The following PCDHA1 variants were observed in gnomAD, a reference collection of about 807,000 sequenced individuals.
The protein encoded by PCDHA1 is protocadherin alpha-1.
In PCDHA1, 42 loss-of-function variants were observed where a neutral mutation model predicts 61.3. The observed-to-expected ratio is 0.69, with a 90% CI of 0.54 to 0.89. The LOEUF (loss-of-function observed/expected upper bound fraction) is 0.89. Among genes scored for constraint, PCDHA1 ranks in the 40% least tolerant of loss-of-function variants. The pLI is 0.00. For synonymous variants in PCDHA1, 610 were observed against 553.8 expected, an observed-to-expected ratio of 1.10 and a Z score of -1.43; for missense variants, 1,256 against 1,235.3, an observed-to-expected ratio of 1.02 and a Z score of -0.25.
intron 1 of PCDHA1, chr5:140,882,151 G>C (rs529033742): frequency 6.7e-7 from 1 of 1,503,572 alleles, no homozygotes; most frequent in African/African-American, 1.4e-5. Flanking sequence ...AGCAGAAAGC[G>C]GAATACCTCT....
At chr5:140,857,106 C>A (rs2044362842) in intron 1 of PCDHA1, 2 of 1,597,856 alleles carry the variant, frequency 1.3e-6, no homozygotes, top group African/African-American at 2.7e-5. Context: ...ATTGTCACTT[C>A]TCTGTCTCTC....
chr5:140,964,894 T>C (rs754817292), intron 1 of PCDHA1, among the ~76,000 whole-genome samples: 8 of 152,210 alleles, frequency 5.3e-5, no homozygotes, highest in Non-Finnish European at 1.2e-4. Flanking sequence ...GATAGGAGGC[T>C]GGGCGCTTCT....
intron 1 of PCDHA1, chr5:140,864,371 G>A (rs1005201982): frequency 6.6e-5 from 10 of 152,044 alleles, no homozygotes; most frequent in South Asian, 6.2e-4. Context: ...TTCTATAATC[G>A]ATAAGTTTAT....
At chr5:140,805,260 TA>T (rs1763537076) in intron 1 of PCDHA1, 1 of 1,292,364 alleles carries the variant, frequency 7.7e-7, no homozygotes, top group Non-Finnish European at 9.8e-7. Context: ...AAATACCTGG[TA>T]AATGAAAATA....
intron 1 of PCDHA1, among the ~76,000 whole-genome samples, chr5:140,949,542 T>G (rs1418281515): frequency 6.6e-6 from 1 of 151,916 alleles, no homozygotes; most frequent in East Asian, 1.9e-4. Context: ...AATATCGATT[T>G]GTTGCTGGTC....
intron 1 of PCDHA1, among the ~76,000 whole-genome samples, chr5:140,931,932 T>C (rs1163129550): frequency 6.6e-6 from 1 of 151,986 alleles, no homozygotes; most frequent in South Asian, 2.1e-4. Context: ...ATGATTATAA[T>C]GTGTGTCTGA....
chr5:140,853,313 T>C lies in PCDHA1; in HGVS notation c.2394+64629T>C, dbSNP rs1581310278. The C allele has an allele frequency of 3.0e-6, 3 of 984,212 alleles. 1 individual carries two copies. Among genetic ancestry groups the C allele is most frequent in the Non-Finnish European group, 1.2e-6 (1 of 816,620 alleles). 61.0% of individuals were successfully genotyped at this position (984,212 alleles called of 1,614,324 possible). A position where few individuals can be genotyped will look rare whatever the true frequency, so the allele number is the denominator to read the frequency against. On this transcript the variant is annotated intron_variant, in intron 1 of 3. Transcript: ENST00000504120. ...CTCAGAAGGGCTGTGAACACCTTAG[T>C]AATAAATTTATCTTTTGAGGTCATT...
chr5:140,802,167 G>A, intron 1 of PCDHA1: 1 of 1,614,228 alleles, frequency 6.2e-7, no homozygotes, highest in Non-Finnish European at 8.5e-7. Flanking sequence ...AGAAGCCACG[G>A]ATAAAGGAAA....
intron 1 of PCDHA1, among the ~76,000 whole-genome samples, chr5:140,921,145 T>G (rs2080047732): frequency 4.1e-5 from 1 of 24,298 alleles, no homozygotes; most frequent in Admixed American, 5.4e-4. Flanking sequence ...TACACCCAGC[T>G]AATGCATTTT....
chr5:141,001,159 G>A (rs1332533329), intron 3 of PCDHA1, among the ~76,000 whole-genome samples: 2 of 152,076 alleles, frequency 1.3e-5, no homozygotes, highest in Non-Finnish European at 2.9e-5. Context: ...ATCTTAATAA[G>A]TAAAATTTAA....
At chr5:140,878,855 T>C (rs905851216) in intron 1 of PCDHA1, among the ~76,000 whole-genome samples, 3 of 152,250 alleles carry the variant, frequency 2.0e-5, no homozygotes, top group Admixed American at 6.5e-5. Context: ...TGGGTTCAAC[T>C]GATCCTCCAT....
rs369536692 is a variant in PCDHA1 at position 140,876,705 on chromosome 5, C to T, written c.2394+88021C>T. The T allele has an allele frequency of 2.0e-5, 33 of 1,614,240 alleles. No individual in the cohort carries two copies. In the African/African-American group the frequency reaches 3.3e-4, roughly 16 times the overall value. ...ATTACTACTCGTTGGTGCTGGACAG[C>T]GCCCTGGACCGCGAGAGCGTGTCGG... On this transcript the variant is annotated intron_variant, in intron 1 of 3. Transcript: ENST00000504120.
chr5:141,005,142 T>C (rs1554259898), intron 3 of PCDHA1, among the ~76,000 whole-genome samples: 1 of 152,234 alleles, frequency 6.6e-6, no homozygotes, highest in African/African-American at 2.4e-5. Flanking sequence ...ATTGGAGAGT[T>C]GTTTGGTCTG....
chr5:140,843,822 A>G (rs1455613336), intron 1 of PCDHA1: 2 of 1,214,208 alleles, frequency 1.6e-6, no homozygotes, highest in African/African-American at 1.5e-5. Flanking sequence ...GTGAAAATTT[A>G]AACATTGTTT....
rs557916636 is a variant in PCDHA1, at chr5:141,000,518, C to G, written c.2543-9109C>G. The stretch of plus-strand genomic sequence containing the variant: ...TCTCGGCTCACTGCAACCTCCTTCT[C>G]CAGGGTTCAAGTGATTCTCATGCCT... On this transcript the variant is annotated intron_variant, in intron 3 of 3. Transcript: ENST00000504120. Among the ~76,000 whole-genome samples the G allele has an allele frequency of 6.9e-4, 100 of 144,062 alleles. 3 individuals are homozygous for G. In the South Asian group the frequency reaches 0.021, roughly 31 times the overall value. 94.5% of individuals were successfully genotyped at this position (144,062 alleles called of 152,430 possible). A position where few individuals can be genotyped will look rare whatever the true frequency, so the allele number is the denominator to read the frequency against.
chr5:140,804,858 TA>T, intron 1 of PCDHA1: 1 of 538,794 alleles, frequency 1.9e-6, no homozygotes, highest in Non-Finnish European at 3.1e-6. Context: ...GTCTAACACG[TA>T]AAATAGATAT....
chr5:141,010,923 A>T lies in PCDHA1; in HGVS notation c.*986A>T, dbSNP rs184389417. The T allele has an allele frequency of 4.0e-3, 619 of 153,912 alleles. 3 individuals are homozygous for T. Among genetic ancestry groups the T allele is most frequent in the Admixed American group, 6.2e-3 (95 of 15,302 alleles). The allele number at this position is 153,912 out of a possible 1,614,324, so 9.5% of individuals were successfully genotyped here. A position where few individuals can be genotyped will look rare whatever the true frequency, so the allele number is the denominator to read the frequency against. ...TCCCCTAAACTCTCCTCAAAAGAGA[A>T]TTCAGTCTACAGCCATTTAAATGAT... On this transcript the variant is annotated 3_prime_UTR_variant, in exon 4 of 4. Coordinates refer to ENST00000504120, the MANE Select transcript of PCDHA1 (RefSeq NM_018900.4).
intron 1 of PCDHA1, among the ~76,000 whole-genome samples, chr5:140,901,586 T>C (rs550614771): frequency 9.2e-5 from 14 of 152,348 alleles, no homozygotes; most frequent in African/African-American, 3.4e-4. Context: ...AGTGCCATGA[T>C]GTTTTGGTTA....
intron 1 of PCDHA1, chr5:140,829,848 G>A (rs1406013217): frequency 6.2e-7 from 1 of 1,613,964 alleles, no homozygotes; most frequent in Admixed American, 1.7e-5. Flanking sequence ...CGGTCACTGG[G>A]TGCAGGCCAA....
Sources: allele counts gnomAD v4.1 joint callset (sites outside exome capture counted in the v4.1 genomes callset), GRCh38; gene constraint gnomAD v4.1.1; transcripts MANE v1.5; gene names NCBI Gene and HGNC (gene_info 2026-07-23, HGNC 2026-07-21).